The following SRGAP1 variants were observed in gnomAD, a reference collection of about 807,000 sequenced individuals.
The protein encoded by SRGAP1 is SLIT-ROBO Rho GTPase-activating protein 1.
In SRGAP1, 43 loss-of-function variants were observed where a neutral mutation model predicts 121.9. The observed-to-expected ratio is 0.35, with a 90% CI of 0.28 to 0.46. SRGAP1 has a LOEUF of 0.46. SRGAP1 is among the 20% of genes least tolerant of loss of function. SRGAP1 has a pLI of 1.00. For synonymous variants in SRGAP1, 447 were observed against 485.4 expected (o/e 0.92, Z 1.04); for missense variants, 1,102 against 1,350.9 (o/e 0.82, Z 2.89).
chr12:63,961,841 T>C (rs1222728329), intron 1 of SRGAP1, among the ~76,000 whole-genome samples: 1 of 152,132 alleles, frequency 6.6e-6, no homozygotes, highest in Non-Finnish European at 1.5e-5. Context: ...TGAAGAAAAA[T>C]AACCATAGTA....
intron 4 of SRGAP1, among the ~76,000 whole-genome samples, chr12:64,028,502 G>C (rs2034702247): frequency 1.3e-5 from 2 of 152,206 alleles, no homozygotes; most frequent in South Asian, 4.1e-4. Context: ...TTCTTAGTTT[G>C]TTCTGGCTGC....
chr12:63,915,033 TTATA>T (rs936112904), intron 1 of SRGAP1, among the ~76,000 whole-genome samples: 4 of 152,262 alleles, frequency 2.6e-5, no homozygotes, highest in African/African-American at 9.6e-5. Flanking sequence ...CTTTTTCTTC[TTATA>T]TATTTTTGTA....
At chr12:63,981,667 G>A (rs997529106) in intron 1 of SRGAP1, among the ~76,000 whole-genome samples, 1 of 152,144 alleles carries the variant, frequency 6.6e-6, no homozygotes, top group Non-Finnish European at 1.5e-5. Context: ...GTAATAATGT[G>A]TTCAACTCTG....
chr12:64,057,792 G>A (rs2035370839), intron 6 of SRGAP1, among the ~76,000 whole-genome samples: 1 of 152,116 alleles, frequency 6.6e-6, no homozygotes. Context: ...AGAAATGAAG[G>A]TAGAATAATT....
At chr12:64,016,843 G>A in intron 3 of SRGAP1, 107 bp from the exon 4 acceptor site, 1 of 622,186 alleles carries the variant, frequency 1.6e-6, no homozygotes, top group East Asian at 2.9e-5. Flanking sequence ...TTACTACAGA[G>A]GCTTGCTGTC....
chr12:64,136,966 G>A (rs905288833), intron 21 of SRGAP1, among the ~76,000 whole-genome samples: 1 of 152,026 alleles, frequency 6.6e-6, no homozygotes, highest in African/African-American at 2.4e-5. Context: ...TTTTTAAATT[G>A]TAAATTATAA....
chr12:63,849,854 C>T (rs1470379882), intron 1 of SRGAP1, among the ~76,000 whole-genome samples: 1 of 152,164 alleles, frequency 6.6e-6, no homozygotes, highest in Non-Finnish European at 1.5e-5. Context: ...ATCTTCTTTT[C>T]AGTAGCGATA....
At chr12:63,918,174 A>G (rs1468479845) in intron 1 of SRGAP1, among the ~76,000 whole-genome samples, 3 of 152,218 alleles carry the variant, frequency 2.0e-5, no homozygotes, top group Non-Finnish European at 4.4e-5. Flanking sequence ...GCCGCTTTTT[A>G]TGAGGAAATT....
chr12:64,161,158 A>G lies in SRGAP1; in HGVS notation c.*18486A>G, dbSNP rs558920679. On this transcript the variant is annotated 3_prime_UTR_variant, in exon 22 of 22. Transcript: ENST00000355086. The stretch of plus-strand genomic sequence containing the variant: ...ATTTGCTTAGCTTTCTATGTACATA[A>G]GTAGATAAAAATTAATTCATTCTCA... 1.3e-5 allele frequency: 2 copies of G among 152,336 alleles called. No homozygotes were observed. The highest frequency in any genetic ancestry group is 4.1e-4 in the South Asian group (2 of 4,830). 9.4% of individuals were successfully genotyped at this position (152,336 alleles called of 1,614,324 possible). A position where few individuals can be genotyped will look rare whatever the true frequency, so the allele number is the denominator to read the frequency against.
At position 64,126,080 on chromosome 12, in the gene SRGAP1, A is replaced by G; in HGVS notation, c.2328A>G (p.Ala776=). 2 of 1,614,202 alleles carry G rather than the reference A, an allele frequency of 1.2e-6. No homozygotes were observed. Among genetic ancestry groups the G allele is most frequent in the Admixed American group, 1.7e-5 (1 of 60,028 alleles). Residue 776 remains alanine (A), a synonymous_variant, in exon 19 of 22, where the codon GCA becomes GCG. Transcript: ENST00000355086. ...KGASLLLYHR[A]SEDWWEGRHN... is the part of the protein sequence containing the mutation. ...CCTCCCTGCTGCTGTATCACCGTGC[A>G]TCTGAGGACTGGTGGGAAGGCAGGC...
chr12:64,055,050 A>G (rs890333510), intron 6 of SRGAP1, among the ~76,000 whole-genome samples: 4 of 151,784 alleles, frequency 2.6e-5, no homozygotes, highest in African/African-American at 9.7e-5. Flanking sequence ...TTAGGAAAAG[A>G]GGAAGTCAAA....
intron 3 of SRGAP1, among the ~76,000 whole-genome samples, chr12:63,998,162 C>T (rs960773673): frequency 1.3e-5 from 2 of 152,088 alleles, no homozygotes; most frequent in Non-Finnish European, 2.9e-5. Flanking sequence ...TAAGTTCCTA[C>T]GGGAAGAGAC....
intron 10 of SRGAP1, among the ~76,000 whole-genome samples, chr12:64,086,277 C>G (rs751813265): frequency 6.6e-6 from 1 of 152,188 alleles, no homozygotes; most frequent in Non-Finnish European, 1.5e-5. Flanking sequence ...TACAAAGCAA[C>G]CGATAAACAC....
intron 1 of SRGAP1, among the ~76,000 whole-genome samples, chr12:63,944,618 C>A (rs1208833124): frequency 6.6e-6 from 1 of 152,194 alleles, no homozygotes; most frequent in Non-Finnish European, 1.5e-5. Flanking sequence ...CACAGTTGGG[C>A]CACCGGAACA....
At chr12:63,966,422 C>G (rs1346197351) in intron 1 of SRGAP1, among the ~76,000 whole-genome samples, 4 of 152,004 alleles carry the variant, frequency 2.6e-5, no homozygotes, top group Non-Finnish European at 5.9e-5. Context: ...CTTGTGCTTT[C>G]AAAGGAAAAA....
In SRGAP1 at chr12:64,143,944, T is replaced by C. The variant is rs1216892604; in HGVS notation, c.*1272T>C. 1 of 152,290 alleles carries C rather than the reference T, an allele frequency of 6.6e-6. No individual in the cohort carries two copies. The highest frequency in any genetic ancestry group is 2.4e-5 in the African/African-American group (1 of 41,460). The allele number at this position is 152,290 out of a possible 1,614,324, so 9.4% of individuals were successfully genotyped here. On this transcript the variant is annotated 3_prime_UTR_variant, in exon 22 of 22. Transcript: ENST00000355086. ...GCCTTGTGGTTCTCACCCAGTTGTG[T>C]ACCTCACAACCACAACTTCTTTTTC... is the stretch of plus-strand genomic sequence containing the variant.
At chr12:64,130,597 T>G (rs557363036) in intron 21 of SRGAP1, among the ~76,000 whole-genome samples, 10 of 152,272 alleles carry the variant, frequency 6.6e-5, no homozygotes, top group African/African-American at 2.4e-4. Context: ...TAGTTGGTGT[T>G]GCAATTGTGA....
At chr12:63,954,677 C>CAAAAAAA (rs60508657) in intron 1 of SRGAP1, among the ~76,000 whole-genome samples, 14 of 104,534 alleles carry the variant, frequency 1.3e-4, no homozygotes, top group South Asian at 3.1e-4. Flanking sequence ...GACTCCATCT[C>CAAAAAAA]AAAAAAAAAA....
intron 12 of SRGAP1, among the ~76,000 whole-genome samples, chr12:64,093,866 A>G (rs1358142626): frequency 6.6e-6 from 1 of 152,194 alleles, no homozygotes; most frequent in Non-Finnish European, 1.5e-5. Context: ...TACCCATTCC[A>G]GGAATAGTAA....
Sources: allele counts gnomAD v4.1 joint callset (sites outside exome capture counted in the v4.1 genomes callset), GRCh38; gene constraint gnomAD v4.1.1; transcripts MANE v1.5; gene names NCBI Gene and HGNC (gene_info 2026-07-23, HGNC 2026-07-21).